GMEB2: variants seen among roughly 807,000 people sequenced by gnomAD.
GMEB2 encodes the protein glucocorticoid modulatory element binding protein 2, also known as glucocorticoid modulatory element-binding protein 2.
Under a neutral mutation model 45.7 loss-of-function variants are expected in GMEB2, and 7 were observed. That is an observed-to-expected ratio of 0.15 (90% CI 0.09 to 0.29). The LOEUF is 0.29. GMEB2 is among the 10% of genes least tolerant of loss of function. The pLI is 1.00. For missense variants in GMEB2, 582 were observed against 739.2 expected, an observed-to-expected ratio of 0.79 and a Z score of 2.47; for synonymous variants, 322 against 323.6, an observed-to-expected ratio of 1.00 and a Z score of 0.05.
intron 4 of GMEB2, 37 bp from the exon 5 acceptor site, chr20:63,597,897 G>A (rs747814441): frequency 1.6e-5 from 19 of 1,213,934 alleles, no homozygotes; most frequent in African/African-American, 7.4e-5. Flanking sequence ...AAGCTTGGCC[G>A]GGACACCACA....
chr20:63,626,791 G>A (rs1372694718), intron 1 of GMEB2, among the ~76,000 whole-genome samples, 165 bp downstream of exon 1: 2 of 145,890 alleles, frequency 1.4e-5, no homozygotes, highest in African/African-American at 2.5e-5. Context: ...TGACGCCGCC[G>A]TTGCGCCTGA....
At chr20:63,606,147 T>C (rs2089517273) in intron 2 of GMEB2, among the ~76,000 whole-genome samples, 1 of 151,908 alleles carries the variant, frequency 6.6e-6, no homozygotes, top group Non-Finnish European at 1.5e-5. Context: ...CCCAACCTCA[T>C]AAAAAACTAA....
chr20:63,597,701 G>GC, intron 5 of GMEB2, 56 bp downstream of exon 5: 1 of 975,108 alleles, frequency 1.0e-6, no homozygotes, highest in Non-Finnish European at 1.7e-6. Flanking sequence ...CCACAAGAAA[G>GC]CAAGAGCTGC....
In GMEB2 at chr20:63,587,914, G is replaced by A. The variant is rs958765392; in HGVS notation, c.*2175C>T. On this transcript the variant is annotated 3_prime_UTR_variant, in exon 10 of 10. Transcript: ENST00000370077. ...AGCCAGCAGGACCTGGAGGAGCCGG[G>A]GGCGGTGCTGACAACAACCTTCCCC... The A allele has an allele frequency of 3.9e-5, 6 of 152,396 alleles. No individual in the cohort carries two copies. The highest frequency in any genetic ancestry group is 1.4e-4 in the African/African-American group (6 of 41,476). The allele number at this position is 152,396 out of a possible 1,614,324, so 9.4% of individuals were successfully genotyped here.
chr20:63,590,477 A>G lies in GMEB2; in HGVS notation c.1205T>C (p.Val402Ala). The G allele has an allele frequency of 6.6e-7, 1 of 1,504,116 alleles. No individual in the cohort carries two copies. Among genetic ancestry groups the G allele is most frequent in the South Asian group, 1.3e-5 (1 of 77,116 alleles). The allele number at this position is 1,504,116 out of a possible 1,614,324, so 93.2% of individuals were successfully genotyped here. The change falls in exon 10 of 10, where the codon GTG (valine) becomes GCG (alanine). Residue 402 changes from valine to alanine, a missense_variant. Val to Ala is a moderately conservative substitution (Grantham distance 64). Coordinates refer to ENST00000370077, the MANE Select transcript of GMEB2 (RefSeq NM_012384.5). ...QLTSVPLGKV[V>A]STLPSTVLGK... ...CAGGACGGTGGACGGCAGGGTGGAC[A>G]CCACTTTACCAAGGGGCACGCTGGT...
chr20:63,590,200 C>A lies in GMEB2; in HGVS notation c.1482G>T (p.Ser494=). ...GPTLQNVAQA[S]PGSSTIVTVP... is the part of the protein sequence containing the mutation. ...CTGTCACAATTGTGCTGGAGCCAGG[C>A]GAGGCCTGGGCCACGTTCTGCAGGG... Residue 494 remains serine (S), a synonymous_variant, in exon 10 of 10, where the codon TCG becomes TCT. Coordinates refer to ENST00000370077, the MANE Select transcript of GMEB2 (RefSeq NM_012384.5). 1.2e-6 allele frequency: 2 copies of A among 1,606,706 alleles called. No individual in the cohort carries two copies. Among genetic ancestry groups the A allele is most frequent in the Non-Finnish European group, 1.7e-6 (2 of 1,177,474 alleles).
chr20:63,625,937 C>G (rs779349544), intron 1 of GMEB2, among the ~76,000 whole-genome samples: 3 of 152,140 alleles, frequency 2.0e-5, no homozygotes, highest in South Asian at 2.1e-4. Context: ...CCGGCACGGT[C>G]AACACTGATG....
At chr20:63,610,974 C>G (rs779044574) in intron 2 of GMEB2, among the ~76,000 whole-genome samples, 7 of 152,222 alleles carry the variant, frequency 4.6e-5, no homozygotes, top group Non-Finnish European at 5.9e-5. Context: ...CCTCGGCCAG[C>G]CCACCAATGC....
At chr20:63,624,907 C>A (rs1369706625) in intron 1 of GMEB2, among the ~76,000 whole-genome samples, 1 of 152,022 alleles carries the variant, frequency 6.6e-6, no homozygotes, top group African/African-American at 2.4e-5. Context: ...GGGGTTTCAC[C>A]ATGTTGGCCA....
At chr20:63,626,599 C>T (rs1449142300) in intron 1 of GMEB2, among the ~76,000 whole-genome samples, 2 of 145,768 alleles carry the variant, frequency 1.4e-5, no homozygotes, top group African/African-American at 5.1e-5. Context: ...CCCTGTGGGT[C>T]GCGTCCCTGC....
At chr20:63,625,830 T>C (rs1045746033) in intron 1 of GMEB2, among the ~76,000 whole-genome samples, 1 of 152,038 alleles carries the variant, frequency 6.6e-6, no homozygotes, top group Non-Finnish European at 1.5e-5. Context: ...ACTCCTGACC[T>C]CATGATCCGC....
At position 63,592,633 on chromosome 20, in the gene GMEB2, G is replaced by A. The variant is rs145518654; in HGVS notation, c.729C>T (p.Ala243=). The A allele has an allele frequency of 1.9e-5, 30 of 1,612,850 alleles. No individual in the cohort carries two copies. The African/African-American group carries it at 2.1e-4, about 11-fold the overall frequency. ...CCTGGATGACCTCGTCCAGCAGGCCGGCGTCCTTCAGCCCCCGCCAGAAGG... is the reference window on the plus strand; with the variant it reads ...CCTGGATGACCTCGTCCAGCAGGCCAGCGTCCTTCAGCCCCCGCCAGAAGG... The part of the protein sequence containing the change: ...TFTFWRGLKD[A]GLLDEVIQEF... Residue 243 remains alanine (A), a synonymous_variant, in exon 8 of 10, where the codon GCC becomes GCT. Coordinates refer to ENST00000370077, the MANE Select transcript of GMEB2 (RefSeq NM_012384.5). The surrounding 1 kb of genome is among the most constrained non-coding windows in gnomAD (Gnocchi z 8.2).
chr20:63,590,687 T>G lies in GMEB2; in HGVS notation c.995A>C (p.Glu332Ala). The G allele has an allele frequency of 6.5e-7, 1 of 1,527,566 alleles. No homozygotes were observed. The allele number at this position is 1,527,566 out of a possible 1,614,324, so 94.6% of individuals were successfully genotyped here. A position where few individuals can be genotyped will look rare whatever the true frequency, so the allele number is the denominator to read the frequency against. ...GAGGTGCTGGGACTTGTGCTTCAGCTCCTTGGCTCGGCGACGATGCTCATC... is the reference window on the plus strand; with the variant it reads ...GAGGTGCTGGGACTTGTGCTTCAGCGCCTTGGCTCGGCGACGATGCTCATC... Reference protein sequence around the residue: ...QCDEHRRRAKELKHKSQHLSN... With the variant: ...QCDEHRRRAKALKHKSQHLSN... The change falls in exon 10 of 10, where the codon GAG becomes GCG. Residue 332 changes from glutamate (E) to alanine (A), a missense_variant. By Grantham distance (107) the Glu-to-Ala change is moderately radical. Coordinates refer to ENST00000370077, the MANE Select transcript of GMEB2 (RefSeq NM_012384.5).
Position 63,589,969 on chromosome 20 carries a change from G to T in GMEB2, c.*120C>A. ...TTTGTTTTGGCGATTCCTCTCTTTGGTTCTGCAGACCACGTGACCCACCTG... is the reference window on the plus strand; with the variant it reads ...TTTGTTTTGGCGATTCCTCTCTTTGTTTCTGCAGACCACGTGACCCACCTG... On this transcript the variant is annotated 3_prime_UTR_variant, in exon 10 of 10. Coordinates refer to ENST00000370077, the MANE Select transcript of GMEB2 (RefSeq NM_012384.5). 2.7e-6 allele frequency: 2 copies of T among 742,714 alleles called. No individual in the cohort carries two copies. Among genetic ancestry groups the T allele is most frequent in the East Asian group, 3.1e-5 (1 of 32,720 alleles). The allele number at this position is 742,714 out of a possible 1,614,324, so 46.0% of individuals were successfully genotyped here.
At chr20:63,605,089 TA>T (rs1360389000) in intron 2 of GMEB2, among the ~76,000 whole-genome samples, 1 of 147,592 alleles carries the variant, frequency 6.8e-6, no homozygotes, top group Non-Finnish European at 1.5e-5. Context: ...CATCTCTATT[TA>T]AAAAAATACA....
intron 2 of GMEB2, among the ~76,000 whole-genome samples, chr20:63,609,502 A>G (rs2089551583): frequency 1.5e-5 from 1 of 67,042 alleles, no homozygotes; most frequent in Non-Finnish European, 3.9e-5. Flanking sequence ...CATTTCTAGA[A>G]ACATGCCCCT....
In GMEB2 at chr20:63,595,674, G is replaced by A. The variant is rs759858010; in HGVS notation, c.555C>T (p.Ala185=). Reference sequence around the variant, plus strand: ...ACGTGGGGCTGCTCAGGGACACACGGGCTCCTGAGAGGTCAATCTTTGTGC... The same window carrying A: ...ACGTGGGGCTGCTCAGGGACACACGAGCTCCTGAGAGGTCAATCTTTGTGC... ...CRSTKIDLSG[A]RVSLSSPTSA... Residue 185 remains alanine (A), a synonymous_variant, in exon 6 of 10, where the codon GCC becomes GCT. Transcript: ENST00000370077. The A allele has an allele frequency of 4.3e-6, 7 of 1,613,618 alleles. No homozygotes were observed. The South Asian group carries it at 7.7e-5, about 18-fold the overall frequency.
At position 63,590,375 on chromosome 20, in the gene GMEB2, G is replaced by T. The variant is rs2083134731; in HGVS notation, c.1307C>A (p.Ser436Tyr). 6.2e-7 allele frequency: 1 copy of T among 1,605,320 alleles called. No homozygotes were observed. Among genetic ancestry groups the T allele is most frequent in the African/African-American group, 1.3e-5 (1 of 74,784 alleles). ...PLLGGYTVLA[S>Y]SGSTYPSTVE... ...TGTGCTGGGGTAGGTGGAGCCGGAA[G>T]AGGCCAAGACTGTGTATCCCCCGAG... is the stretch of plus-strand genomic sequence containing the variant. Residue 436 changes from serine (S) to tyrosine (Y), a missense_variant, in exon 10 of 10, where the codon TCT becomes TAT. Ser to Tyr is a moderately radical substitution (Grantham distance 144, BLOSUM62 -2). Around this residue, in one of 3 missense-constraint regions of GMEB2, gnomAD observed 462 missense variants for 586.7 expected, o/e 0.79. Coordinates refer to ENST00000370077, the MANE Select transcript of GMEB2 (RefSeq NM_012384.5).
rs1025811609 is a variant in GMEB2 at position 63,592,363 on chromosome 20, A to C, written c.829+170T>G. 5.9e-5 allele frequency among the ~76,000 whole-genome samples: 9 copies of C among 152,154 alleles called. No homozygotes were observed. The highest frequency in any genetic ancestry group is 1.0e-4 in the Non-Finnish European group (7 of 68,008). ...AGAGGGAGAAGACTGAGATACATCA[A>C]GGCGATCCTCCCACCAAGTTCAGCC... On this transcript the variant is annotated intron_variant, in intron 8 of 9. Coordinates refer to ENST00000370077, the MANE Select transcript of GMEB2 (RefSeq NM_012384.5). The surrounding 1 kb of genome is among the most constrained non-coding windows in gnomAD (Gnocchi z 8.2).
Sources: allele counts gnomAD v4.1 joint callset (sites outside exome capture counted in the v4.1 genomes callset), GRCh38; gene constraint gnomAD v4.1.1; regional missense constraint gnomAD v4.1.1; non-coding constraint Gnocchi (gnomAD v3.1); transcripts MANE v1.5; gene names NCBI Gene and HGNC (gene_info 2026-07-23, HGNC 2026-07-21).